MITF: variants seen among roughly 807,000 people sequenced by gnomAD.
MITF encodes the protein microphthalmia-associated transcription factor.
MITF carries 17 observed loss-of-function variants against 60.5 expected under a neutral mutation model. The ratio of observed to expected loss-of-function variants is 0.28; its 90% CI spans 0.19 to 0.42. The LOEUF (loss-of-function observed/expected upper bound fraction) is 0.42. Ranked by LOEUF, MITF falls within the 10% of genes least tolerant of loss-of-function variation. The pLI, the probability that MITF is intolerant of heterozygous loss-of-function variation, is 1.00. For missense variants in MITF, 622 were observed against 683.5 expected (o/e 0.91, Z 1.00); for synonymous variants, 260 against 248.5 (o/e 1.05, Z -0.43).
At chr3:69,797,110 T>G (rs1397256509) in intron 1 of MITF, among the ~76,000 whole-genome samples, 6 of 152,192 alleles carry the variant, frequency 3.9e-5, no homozygotes, top group Non-Finnish European at 8.8e-5. Flanking sequence ...CATAATTTAG[T>G]CCAGAGGGTA....
intron 1 of MITF, among the ~76,000 whole-genome samples, chr3:69,789,913 GTATA>G (rs139296854): frequency 6.7e-6 from 1 of 148,584 alleles, no homozygotes; most frequent in Non-Finnish European, 1.5e-5. Flanking sequence ...TTGTGTGCAT[GTATA>G]TATATATATA....
At chr3:69,826,751 A>C (rs2063361387) in intron 1 of MITF, among the ~76,000 whole-genome samples, 1 of 152,216 alleles carries the variant, frequency 6.6e-6, no homozygotes, top group African/African-American at 2.4e-5. Context: ...CTTGACACAT[A>C]AGTACTCAAA....
chr3:69,923,412 T>C (rs1288882155), intron 2 of MITF, among the ~76,000 whole-genome samples: 2 of 152,232 alleles, frequency 1.3e-5, no homozygotes, highest in East Asian at 3.8e-4. Flanking sequence ...TGATGCGATC[T>C]TGGCTCATTG....
At chr3:69,827,732 C>T (rs930289246) in intron 1 of MITF, among the ~76,000 whole-genome samples, 9 of 147,446 alleles carry the variant, frequency 6.1e-5, no homozygotes, top group Non-Finnish European at 1.2e-4. Context: ...TTTATTTTCC[C>T]TTTTTTTTTT....
At chr3:69,864,820 T>C (rs2064082315) in intron 1 of MITF, among the ~76,000 whole-genome samples, 1 of 152,146 alleles carries the variant, frequency 6.6e-6, no homozygotes, top group East Asian at 1.9e-4. Flanking sequence ...TCATAGTTCT[T>C]ACATATGTTG....
At chr3:69,940,831 T>C (rs2065951511) in intron 4 of MITF, among the ~76,000 whole-genome samples, 1 of 152,226 alleles carries the variant, frequency 6.6e-6, no homozygotes, top group South Asian at 2.1e-4. Flanking sequence ...TGTGAAAGCA[T>C]GGGTTAAATT....
At chr3:69,831,300 A>G (rs1052501566) in intron 1 of MITF, among the ~76,000 whole-genome samples, 2 of 152,188 alleles carry the variant, frequency 1.3e-5, no homozygotes, top group Non-Finnish European at 2.9e-5. Context: ...GGAGTAGGGC[A>G]CTAGCAGAAA....
intron 9 of MITF, among the ~76,000 whole-genome samples, chr3:69,963,044 A>G (rs2066589907): frequency 6.6e-6 from 1 of 152,124 alleles, no homozygotes; most frequent in Non-Finnish European, 1.5e-5. Context: ...TCTTCTTACA[A>G]GGACACCAGT....
chr3:69,840,578 C>CT (rs1193405188), intron 1 of MITF, among the ~76,000 whole-genome samples: 48 of 151,794 alleles, frequency 3.2e-4, no homozygotes, highest in African/African-American at 1.1e-3. Context: ...TACCAAAGAG[C>CT]TTTTTTTAAA....
intron 1 of MITF, among the ~76,000 whole-genome samples, chr3:69,740,187 G>A (rs1238039944): frequency 3.9e-5 from 6 of 152,300 alleles, no homozygotes; most frequent in Admixed American, 3.3e-4. Context: ...TTCGCTTGGA[G>A]TCACCTCTTG....
At chr3:69,762,400 A>G (rs1478882437) in intron 1 of MITF, among the ~76,000 whole-genome samples, 1 of 152,246 alleles carries the variant, frequency 6.6e-6, no homozygotes, top group Non-Finnish European at 1.5e-5. Context: ...AAGTGTAAAC[A>G]TCCAAGTTCC....
intron 1 of MITF, among the ~76,000 whole-genome samples, chr3:69,745,495 G>A (rs939866537): frequency 3.3e-5 from 5 of 152,210 alleles, no homozygotes; most frequent in Admixed American, 1.3e-4. Context: ...ACAAATAGGG[G>A]TGTTTGAGTT....
At chr3:69,778,538 G>A (rs551301090) in intron 1 of MITF, among the ~76,000 whole-genome samples, 1 of 152,232 alleles carries the variant, frequency 6.6e-6, no homozygotes, top group African/African-American at 2.4e-5. Context: ...GATTTGTCTT[G>A]ACTTTTTTCT....
chr3:69,912,943 GC>G (rs2065255731), intron 2 of MITF, among the ~76,000 whole-genome samples: 1 of 152,080 alleles, frequency 6.6e-6, no homozygotes. Flanking sequence ...CAATAGAAAT[GC>G]CTTTGAATCT....
At chr3:69,920,175 G>T (rs1448729712) in intron 2 of MITF, among the ~76,000 whole-genome samples, 1 of 152,218 alleles carries the variant, frequency 6.6e-6, no homozygotes, top group Non-Finnish European at 1.5e-5. Context: ...CCCAGACAGG[G>T]CCACCAGAGG....
intron 1 of MITF, among the ~76,000 whole-genome samples, chr3:69,861,272 C>T (rs879531073): frequency 2.0e-5 from 3 of 152,142 alleles, no homozygotes; most frequent in Non-Finnish European, 4.4e-5. Context: ...ATTCTTCTTT[C>T]CTTCTATCCA....
chr3:69,766,424 A>G (rs995689238), intron 1 of MITF, among the ~76,000 whole-genome samples: 2 of 123,312 alleles, frequency 1.6e-5, no homozygotes, highest in Non-Finnish European at 3.2e-5. Context: ...ATGGGGTTTC[A>G]CCATGTTGGC....
Position 69,763,752 on chromosome 3 carries a change from C to T in MITF, c.104+24051C>T, listed in dbSNP as rs72950039. On this transcript the variant is annotated intron_variant, in intron 1 of 9. Transcript: ENST00000352241. Reference sequence around the variant, plus strand: ...GGTCAGTCGAGTTTGGTGTGATTGTCCTCTCCTTTTGCTTCTGACCTAAGT... The same window carrying T: ...GGTCAGTCGAGTTTGGTGTGATTGTTCTCTCCTTTTGCTTCTGACCTAAGT... 4.5e-3 allele frequency: 6,052 copies of T among 1,358,386 alleles called. 232 individuals are homozygous for T. In the African/African-American group the frequency reaches 0.08, roughly 18 times the overall value. 84.1% of individuals were successfully genotyped at this position (1,358,386 alleles called of 1,614,324 possible). A position where few individuals can be genotyped will look rare whatever the true frequency, so the allele number is the denominator to read the frequency against.
intron 6 of MITF, among the ~76,000 whole-genome samples, chr3:69,951,289 A>G (rs922821456): frequency 6.6e-6 from 1 of 151,664 alleles, no homozygotes; most frequent in African/African-American, 2.4e-5. Flanking sequence ...GTAAAGACCA[A>G]GGCTGATCTT....
Sources: allele counts gnomAD v4.1 joint callset (sites outside exome capture counted in the v4.1 genomes callset), GRCh38; gene constraint gnomAD v4.1.1; transcripts MANE v1.5; gene names NCBI Gene and HGNC (gene_info 2026-07-23, HGNC 2026-07-21).